The following CNOT9 variants were observed in gnomAD, a reference collection of about 807,000 sequenced individuals.
The protein encoded by CNOT9 is CCR4-NOT transcription complex subunit 9.
A neutral mutation model predicts 37.4 loss-of-function variants in CNOT9; 8 were observed. The ratio of observed to expected loss-of-function variants is 0.21; its 90% CI spans 0.13 to 0.39. The LOEUF is 0.39. Among genes scored for constraint, CNOT9 ranks in the 10% least tolerant of loss-of-function variants. The probability of loss-of-function intolerance (pLI) is 1.00; values close to 1 mark genes in which losing one functional copy is unlikely to be tolerated. For synonymous variants in CNOT9, 120 were observed against 137.6 expected, an observed-to-expected ratio of 0.87 and a Z score of 0.90; for missense variants, 154 against 365.3, an observed-to-expected ratio of 0.42 and a Z score of 4.71.
At chr2:218,587,756 C>A in intron 5 of CNOT9, 61 bp downstream of exon 5, 1 of 759,938 alleles carries the variant, frequency 1.3e-6, no homozygotes, top group Non-Finnish European at 2.0e-6. Flanking sequence ...CCTTATGGTC[C>A]TGGGATCATT....
intron 2 of CNOT9, chr2:218,581,202 T>A (rs1194520055): frequency 3.3e-6 from 1 of 300,068 alleles, no homozygotes; most frequent in Non-Finnish European, 6.7e-6. Context: ...GGAATCTCGC[T>A]CTGTCGCCCA....
intron 4 of CNOT9, among the ~76,000 whole-genome samples, chr2:218,587,012 G>A (rs1694616583): frequency 6.6e-6 from 1 of 152,156 alleles, no homozygotes; most frequent in African/African-American, 2.4e-5. Flanking sequence ...TAGTAGTCAA[G>A]GCAGTGTAAT....
chr2:218,583,713 T>C (rs185208072), intron 3 of CNOT9, among the ~76,000 whole-genome samples: 2 of 152,340 alleles, frequency 1.3e-5, no homozygotes, highest in African/African-American at 2.4e-5. Context: ...TTATGAAATA[T>C]GTATGCTAGG....
chr2:218,574,372 A>G (rs963412241), intron 1 of CNOT9: 1 of 153,344 alleles, frequency 6.5e-6, no homozygotes, highest in African/African-American at 2.4e-5. Flanking sequence ...CAGATTTCTC[A>G]TGATGATTCT....
Position 218,587,697 on chromosome 2 carries a change from T to TA in CNOT9, c.540+3dup. On this transcript the variant is annotated splice_region_variant and intron_variant, in intron 5 of 7. Transcript: ENST00000273064. ...TCTGGAAGTGAACTTTCTAAAACAGTATGTACTTTTAACTTAGATTTTACA... is the reference window on the plus strand; with the variant it reads ...TCTGGAAGTGAACTTTCTAAAACAGTAATGTACTTTTAACTTAGATTTTACA... The TA allele has an allele frequency of 6.5e-7, 1 of 1,528,010 alleles. No homozygotes were observed. Among genetic ancestry groups the TA allele is most frequent in the East Asian group, 2.3e-5 (1 of 43,556 alleles). 94.7% of individuals were successfully genotyped at this position (1,528,010 alleles called of 1,614,324 possible). A position where few individuals can be genotyped will look rare whatever the true frequency, so the allele number is the denominator to read the frequency against.
chr2:218,569,000 C>A (rs1261987781), intron 1 of CNOT9, 22 bp downstream of exon 1: 13 of 1,611,056 alleles, frequency 8.1e-6, no homozygotes, highest in African/African-American at 2.7e-5. Context: ...GGCCCCCAGG[C>A]TTGGAACCAG....
intron 1 of CNOT9, among the ~76,000 whole-genome samples, chr2:218,573,319 A>T (rs1244907319): frequency 6.0e-5 from 1 of 16,806 alleles, no homozygotes; most frequent in East Asian, 0.017. Context: ...ACTCCATCTT[A>T]AAAAAAAAAA....
At chr2:218,587,751 T>C in intron 5 of CNOT9, 56 bp downstream of exon 5, 9 of 854,506 alleles carry the variant, frequency 1.1e-5, no homozygotes, top group Non-Finnish European at 1.8e-6. Flanking sequence ...TGCTTCCTTA[T>C]GGTCCTGGGA....
rs551829278 is a variant in CNOT9 at position 218,587,881 on chromosome 2, A to G, written c.540+186A>G. On this transcript the variant is annotated intron_variant, in intron 5 of 7. Transcript: ENST00000273064. ...TCAGAAGAAAATCAAGTTAAACACT[A>G]AATTTCTTTTCTCCAAACCCACATC... Among the ~76,000 whole-genome samples, 4 of 152,364 alleles carry G rather than the reference A, an allele frequency of 2.6e-5. No homozygotes were observed. In the South Asian group the frequency reaches 8.3e-4, roughly 32 times the overall value.
Position 218,577,560 on chromosome 2 carries a change from G to A in CNOT9, c.25-3001G>A, listed in dbSNP as rs1159275975. 3.9e-5 allele frequency among the ~76,000 whole-genome samples: 6 copies of A among 152,178 alleles called. No individual in the cohort carries two copies. The East Asian group carries it at 5.8e-4, about 15-fold the overall frequency. ...TCCATGGCTTTAGGAACCCGTGTACGCACCAGGCATTGGCCTTTCAGAGTG... is the reference window on the plus strand; with the variant it reads ...TCCATGGCTTTAGGAACCCGTGTACACACCAGGCATTGGCCTTTCAGAGTG... On this transcript the variant is annotated intron_variant, in intron 1 of 7. Transcript: ENST00000273064.
chr2:218,577,917 G>T (rs1353373185), intron 1 of CNOT9, among the ~76,000 whole-genome samples: 1 of 152,198 alleles, frequency 6.6e-6, no homozygotes, highest in Non-Finnish European at 1.5e-5. Context: ...AAGAGACTGG[G>T]CAGGAAACCT....
At chr2:218,586,696 C>T (rs1444431499) in intron 4 of CNOT9, among the ~76,000 whole-genome samples, 1 of 152,076 alleles carries the variant, frequency 6.6e-6, no homozygotes, top group Admixed American at 6.6e-5. Context: ...ACGATGTTGG[C>T]CAGGCTGGTC....
intron 3 of CNOT9, among the ~76,000 whole-genome samples, chr2:218,583,708 A>C (rs895716536): frequency 1.3e-5 from 2 of 152,184 alleles, no homozygotes; most frequent in African/African-American, 4.8e-5. Context: ...TTTCCTTATG[A>C]AATATGTATG....
intron 1 of CNOT9, among the ~76,000 whole-genome samples, chr2:218,575,810 A>G (rs662372): frequency 0.99 from 150,817 of 152,286 alleles, 74,698 homozygotes; most frequent in Middle Eastern, 1. Context: ...TTTCCAGTAG[A>G]GAAGTCATAG....
chr2:218,585,747 C>T (rs1694573032), intron 4 of CNOT9, among the ~76,000 whole-genome samples: 2 of 151,508 alleles, frequency 1.3e-5, no homozygotes, highest in Admixed American at 6.6e-5. Flanking sequence ...CACACAAATC[C>T]ACCCACCTCA....
intron 7 of CNOT9, chr2:218,593,839 T>G: frequency 8.2e-7 from 1 of 1,218,590 alleles, no homozygotes; most frequent in Non-Finnish European, 1.1e-6. Flanking sequence ...GAAAGCTGTT[T>G]GAATGGAAGT....
At position 218,596,425 on chromosome 2, in the gene CNOT9, A is replaced by C. The variant is rs1694927408; in HGVS notation, c.*2149A>C. The C allele has an allele frequency of 6.6e-6, 1 of 152,152 alleles. No homozygotes were observed. The highest frequency in any genetic ancestry group is 1.5e-5 in the Non-Finnish European group (1 of 68,042). The allele number at this position is 152,152 out of a possible 1,614,324, so 9.4% of individuals were successfully genotyped here. A position where few individuals can be genotyped will look rare whatever the true frequency, so the allele number is the denominator to read the frequency against. ...AAATAAAACATGCTTCTGTTTTTGT[A>C]AAAATAATTTTTCCTTTACACTGGA... is the stretch of plus-strand genomic sequence containing the variant. On this transcript the variant is annotated 3_prime_UTR_variant, in exon 8 of 8. Coordinates refer to ENST00000273064, the MANE Select transcript of CNOT9 (RefSeq NM_005444.3).
At chr2:218,589,056 T>A (rs2106096284) in intron 5 of CNOT9, among the ~76,000 whole-genome samples, 1 of 152,296 alleles carries the variant, frequency 6.6e-6, no homozygotes, top group Admixed American at 6.5e-5. Flanking sequence ...TTTTCAAGGT[T>A]ACTTTTCCAT....
chr2:218,578,544 C>G (rs1262840836), intron 1 of CNOT9, among the ~76,000 whole-genome samples: 3 of 152,054 alleles, frequency 2.0e-5, no homozygotes, highest in Non-Finnish European at 4.4e-5. Context: ...TAATATAGTT[C>G]AAAAAAGTAC....
Sources: gnomAD v4.1 joint callset for allele counts (sites outside exome capture counted in the v4.1 genomes callset) on GRCh38, gnomAD v4.1.1 for gene constraint, MANE v1.5 for transcripts, NCBI Gene and HGNC (gene_info 2026-07-23, HGNC 2026-07-21) for gene names.